GBP6: variants seen among roughly 807,000 people sequenced by gnomAD.
GBP6 encodes guanylate binding protein family member 6.
In GBP6, 54 loss-of-function variants were observed where a neutral mutation model predicts 61.5. That is an observed-to-expected ratio of 0.88 (90% CI 0.71 to 1.10). GBP6 has a LOEUF of 1.10. GBP6 is among the 50% of genes least tolerant of loss of function. The pLI, the probability that GBP6 is intolerant of heterozygous loss-of-function variation, is 0.00. For missense variants in GBP6, 748 were observed against 752.8 expected (o/e 0.99, Z 0.07); for synonymous variants, 255 against 273.7 (o/e 0.93, Z 0.67).
chr1:89,375,802 C>T (rs938138223), intron 3 of GBP6, among the ~76,000 whole-genome samples: 2 of 151,578 alleles, frequency 1.3e-5, no homozygotes, highest in African/African-American at 4.9e-5. Context: ...CCTGTGCTTT[C>T]GGTGTCATAT....
intron 1 of GBP6, among the ~76,000 whole-genome samples, chr1:89,367,908 G>C (rs963608584): frequency 2.6e-5 from 4 of 152,122 alleles, no homozygotes; most frequent in African/African-American, 9.7e-5. Flanking sequence ...GGCAGAACTG[G>C]CAAACAAAAT....
In GBP6 at chr1:89,386,072, T is replaced by G. The variant is rs1235701778; in HGVS notation, c.*603T>G. On this transcript the variant is annotated 3_prime_UTR_variant, in exon 11 of 11. Transcript: ENST00000370456. ...GGTAAGATAAATTTTAGTATGTGCA[T>G]GTACTGGAATATTATATAGCCAGTA... 2 of 152,106 alleles carry G rather than the reference T, an allele frequency of 1.3e-5. No individual in the cohort carries two copies. 9.4% of individuals were successfully genotyped at this position (152,106 alleles called of 1,614,324 possible). A position where few individuals can be genotyped will look rare whatever the true frequency, so the allele number is the denominator to read the frequency against.
intron 3 of GBP6, among the ~76,000 whole-genome samples, chr1:89,371,677 G>A (rs1365425230): frequency 6.6e-6 from 1 of 152,120 alleles, no homozygotes; most frequent in East Asian, 1.9e-4. Flanking sequence ...AATAATAAGA[G>A]CTATTTATGT....
In GBP6 at chr1:89,387,743, G is replaced by A. The variant is rs567100461; in HGVS notation, c.*2274G>A. On this transcript the variant is annotated 3_prime_UTR_variant, in exon 11 of 11. Coordinates refer to ENST00000370456, the MANE Select transcript of GBP6 (RefSeq NM_198460.3). The stretch of plus-strand genomic sequence containing the variant: ...AGGTCAGAAGTTTGAGACCAGCCTG[G>A]CCAACATGGCGAAACCCTGCCTTTA... Among the ~76,000 whole-genome samples the A allele has an allele frequency of 1.7e-3, 262 of 152,314 alleles. No homozygotes were observed. Among genetic ancestry groups the A allele is most frequent in the African/African-American group, 6.2e-3 (256 of 41,566 alleles).
chr1:89,371,138 T>G (rs1652623708), intron 3 of GBP6, among the ~76,000 whole-genome samples: 1 of 152,224 alleles, frequency 6.6e-6, no homozygotes, highest in South Asian at 2.1e-4. Flanking sequence ...CATAACGACC[T>G]CAGTGTTCAT....
intron 3 of GBP6, among the ~76,000 whole-genome samples, chr1:89,374,914 C>T (rs1402488980): frequency 2.0e-5 from 3 of 152,074 alleles, no homozygotes; most frequent in Non-Finnish European, 4.4e-5. Context: ...GCTTCTCTCC[C>T]TCTTCCCCTC....
chr1:89,385,535 C>A lies in GBP6; in HGVS notation c.*66C>A. The A allele has an allele frequency of 3.6e-6, 5 of 1,391,252 alleles. No individual in the cohort carries two copies. The highest frequency in any genetic ancestry group is 1.4e-5 in the South Asian group (1 of 73,934). 86.2% of individuals were successfully genotyped at this position (1,391,252 alleles called of 1,614,324 possible). A position where few individuals can be genotyped will look rare whatever the true frequency, so the allele number is the denominator to read the frequency against. On this transcript the variant is annotated 3_prime_UTR_variant, in exon 11 of 11. Transcript: ENST00000370456. ...GATCTGTATGTTTTTCATTTTCATT[C>A]AGCAAGTTTTTTTTTTTTTTCAGAG...
chr1:89,382,869 G>C lies in GBP6; in HGVS notation c.1358G>C (p.Gly453Ala). The C allele has an allele frequency of 6.2e-7, 1 of 1,611,508 alleles. No individual in the cohort carries two copies. The highest frequency in any genetic ancestry group is 8.5e-7 in the Non-Finnish European group (1 of 1,177,702). The change falls in exon 8 of 11, where the codon GGA (glycine) becomes GCA (alanine). Residue 453 changes from glycine to alanine, a missense_variant. Coordinates refer to ENST00000370456, the MANE Select transcript of GBP6 (RefSeq NM_198460.3). ...GACTATTGGCAAGTTCCCAGGAAAG[G>C]AGTAAAGGTAAGGAATAAGGGGAGC... ...EQDYWQVPRK[G>A]VKAKEVFQRF...
chr1:89,377,954 G>C, intron 3 of GBP6, 149 bp from the exon 4 acceptor site: 1 of 681,170 alleles, frequency 1.5e-6, no homozygotes, highest in Non-Finnish European at 2.4e-6. Flanking sequence ...AAGACATATT[G>C]TAACAAACTG....
Position 89,385,258 on chromosome 1 carries a change from T to C in GBP6, c.1691T>C (p.Phe564Ser). The C allele has an allele frequency of 6.2e-7, 1 of 1,613,948 alleles. No homozygotes were observed. Among genetic ancestry groups the C allele is most frequent in the Non-Finnish European group, 8.5e-7 (1 of 1,179,826 alleles). The part of the protein sequence containing the change: ...KVQNDWLHEG[F>S]KKKYEEMNAE... ...CAAAATGATTGGCTTCATGAAGGATTTAAGAAGAAGTATGAGGAGATGAAT... is the reference window on the plus strand; with the variant it reads ...CAAAATGATTGGCTTCATGAAGGATCTAAGAAGAAGTATGAGGAGATGAAT... Residue 564 changes from phenylalanine (F) to serine (S), a missense_variant, in exon 11 of 11, where the codon TTT becomes TCT. Physicochemically the swap from Phe to Ser is radical, Grantham distance 155. Transcript: ENST00000370456.
At chr1:89,364,508 C>T (rs1482982237) in intron 1 of GBP6, among the ~76,000 whole-genome samples, 1 of 152,170 alleles carries the variant, frequency 6.6e-6, no homozygotes, top group African/African-American at 2.4e-5. Flanking sequence ...CTAGTGGTCA[C>T]ACTTAGGAAA....
rs999573726 is a variant in GBP6, at chr1:89,369,056, A to G, written c.190+315A>G. 2.6e-5 allele frequency among the ~76,000 whole-genome samples: 4 copies of G among 152,276 alleles called. 1 individual carries two copies. The highest frequency in any genetic ancestry group is 6.8e-3 in the Middle Eastern group (2 of 294). ...TTTGCTTTCCTCATGTAATATTCCC[A>G]TCAACATACAAAGATGTTTTAATCT... On this transcript the variant is annotated intron_variant, in intron 2 of 10. Transcript: ENST00000370456.
In GBP6 at chr1:89,385,608, A is replaced by G; in HGVS notation, c.*139A>G. 1.3e-6 allele frequency: 1 copy of G among 761,978 alleles called. No individual in the cohort carries two copies. Among genetic ancestry groups the G allele is most frequent in the East Asian group, 2.7e-5 (1 of 36,424 alleles). 47.2% of individuals were successfully genotyped at this position (761,978 alleles called of 1,614,324 possible). ...GAGTACAGTGGTGCAATCTCAGCTC[A>G]CTGCAACCTCTGCCTCCTGGGTTCA... On this transcript the variant is annotated 3_prime_UTR_variant, in exon 11 of 11. Transcript: ENST00000370456.
chr1:89,378,289 T>A (rs1390272832), intron 4 of GBP6, 77 bp downstream of exon 4: 1 of 1,534,716 alleles, frequency 6.5e-7, no homozygotes, highest in East Asian at 2.3e-5. Flanking sequence ...ATTTCCTCCT[T>A]CCCTTTGATG....
chr1:89,383,552 G>T, intron 8 of GBP6, 100 bp from the exon 9 acceptor site: 1 of 848,084 alleles, frequency 1.2e-6, no homozygotes, highest in South Asian at 1.5e-5. Flanking sequence ...AGAATTTTAG[G>T]CATAAAGCAA....
rs1044134101 is a variant in GBP6 at position 89,376,753 on chromosome 1, T to C, written c.319-1350T>C. 3.9e-5 allele frequency among the ~76,000 whole-genome samples: 6 copies of C among 152,270 alleles called. No individual in the cohort carries two copies. The South Asian group carries it at 6.2e-4, about 16-fold the overall frequency. On this transcript the variant is annotated intron_variant, in intron 3 of 10. Transcript: ENST00000370456. ...TTTTTATATTTATTTAAGAATATTATTGGGGCCAGGTTGAGACAGCGGAGG... is the reference window on the plus strand; with the variant it reads ...TTTTTATATTTATTTAAGAATATTACTGGGGCCAGGTTGAGACAGCGGAGG...
At chr1:89,367,566 A>G (rs1285729227) in intron 1 of GBP6, among the ~76,000 whole-genome samples, 1 of 152,198 alleles carries the variant, frequency 6.6e-6, no homozygotes, top group Admixed American at 6.5e-5. Flanking sequence ...TATCAGAAAC[A>G]TGATTTGCAA....
At chr1:89,379,306 CT>C (rs1370646535) in intron 5 of GBP6, among the ~76,000 whole-genome samples, 2 of 150,148 alleles carry the variant, frequency 1.3e-5, no homozygotes, top group Non-Finnish European at 3.0e-5. Context: ...AAATCTGCCC[CT>C]GTGACCCAAA....
Position 89,385,212 on chromosome 1 carries a change from T to C in GBP6, c.1663-18T>C. ...AGGGATTTTTAAAAATTTACTTTCC[T>C]TCCTACATTGTCTTTAGGTCCAAAA... is the stretch of plus-strand genomic sequence containing the variant. On this transcript the variant is annotated intron_variant, in intron 10 of 10. Transcript: ENST00000370456. 1 of 1,600,812 alleles carries C rather than the reference T, an allele frequency of 6.2e-7. No homozygotes were observed. The highest frequency in any genetic ancestry group is 8.5e-7 in the Non-Finnish European group (1 of 1,172,148).
Sources: gnomAD v4.1 joint callset for allele counts (sites outside exome capture counted in the v4.1 genomes callset) on GRCh38, gnomAD v4.1.1 for gene constraint, MANE v1.5 for transcripts, NCBI Gene and HGNC (gene_info 2026-07-23, HGNC 2026-07-21) for gene names.